Variants in FBXL17 observed in about 807,000 individuals in gnomAD.
FBXL17 encodes F-box/LRR-repeat protein 17.
In FBXL17, 22 loss-of-function variants were observed where a neutral mutation model predicts 66.2. The ratio of observed to expected loss-of-function variants is 0.33; its 90% CI spans 0.24 to 0.47. The LOEUF (loss-of-function observed/expected upper bound fraction) is 0.47, where lower values mean the gene tolerates loss of function less well. Ranked by LOEUF, FBXL17 falls within the 20% of genes least tolerant of loss-of-function variation. The pLI is 1.00. For missense variants in FBXL17, 878 were observed against 948.2 expected (o/e 0.93, Z 0.97); for synonymous variants, 474 against 400.5 (o/e 1.18, Z -2.19).
At chr5:108,343,126 C>T (rs1746996974) in intron 4 of FBXL17, among the ~76,000 whole-genome samples, 1 of 152,180 alleles carries the variant, frequency 6.6e-6, no homozygotes. Flanking sequence ...CTGCCAGTGC[C>T]TTAATCTTGG....
At chr5:108,161,165 C>CATAG (rs1752199332) in intron 6 of FBXL17, among the ~76,000 whole-genome samples, 1 of 47,962 alleles carries the variant, frequency 2.1e-5, no homozygotes. Context: ...CAAATAGATA[C>CATAG]ATACATACAT....
Position 108,104,330 on chromosome 5 carries a change from C to A in FBXL17, c.1745+81787G>T, listed in dbSNP as rs145369652. Among the ~76,000 whole-genome samples the A allele has an allele frequency of 1.4e-3, 218 of 152,302 alleles. 1 individual carries two copies. Among genetic ancestry groups the A allele is most frequent in the African/African-American group, 5.1e-3 (213 of 41,550 alleles). On this transcript the variant is annotated intron_variant, in intron 6 of 8. Transcript: ENST00000542267. ...GGGATTACAGGCATGAGCCACCGTG[C>A]CCAGCCCTGCAAACAAATATCAATT... is the stretch of plus-strand genomic sequence containing the variant.
chr5:107,944,091 C>G (rs980192354), intron 7 of FBXL17, among the ~76,000 whole-genome samples: 2 of 152,190 alleles, frequency 1.3e-5, no homozygotes, highest in African/African-American at 4.8e-5. Context: ...AGATTCAGTT[C>G]AAATGTCATC....
At chr5:107,922,054 C>T (rs1750341895) in intron 7 of FBXL17, among the ~76,000 whole-genome samples, 2 of 152,046 alleles carry the variant, frequency 1.3e-5, no homozygotes, top group African/African-American at 4.8e-5. Flanking sequence ...AGAGAGAGGC[C>T]AATAAGACCT....
intron 4 of FBXL17, 131 bp downstream of exon 4, chr5:108,348,268 G>T: frequency 1.4e-6 from 1 of 716,578 alleles, no homozygotes; most frequent in Non-Finnish European, 2.2e-6. Context: ...ACTTTAAAAG[G>T]ATTTTTGCTT....
Position 108,054,460 on chromosome 5 carries a change from C to T in FBXL17, c.1746-33459G>A, listed in dbSNP as rs1487230514. ...CTCCTCACAGAGTTTCCACTGACAG[C>T]TCTGCATGTGGGGTATGTATGGCAG... On this transcript the variant is annotated intron_variant, in intron 6 of 8. Coordinates refer to ENST00000542267, the MANE Select transcript of FBXL17 (RefSeq NM_001163315.3). 2.6e-5 allele frequency among the ~76,000 whole-genome samples: 4 copies of T among 151,966 alleles called. No individual in the cohort carries two copies. In the East Asian group the frequency reaches 7.8e-4, roughly 29 times the overall value.
At chr5:108,343,741 ACAACAG>A (rs1251413972) in intron 4 of FBXL17, among the ~76,000 whole-genome samples, 1 of 152,196 alleles carries the variant, frequency 6.6e-6, no homozygotes, top group African/African-American at 2.4e-5. Flanking sequence ...CCTAACTGCT[ACAACAG>A]CCTCAAATCA....
At position 107,881,573 on chromosome 5, in the gene FBXL17, G is replaced by A. The variant is rs148887985; in HGVS notation, c.1823-394C>T. On this transcript the variant is annotated intron_variant, in intron 7 of 8. Coordinates refer to ENST00000542267, the MANE Select transcript of FBXL17 (RefSeq NM_001163315.3). ...AATTTTTTTTTAAAGAAGAACCCAC[G>A]TAAACACCATTTTGAGGAGTGTTAT... Among the ~76,000 whole-genome samples, 660 of 152,038 alleles carry A rather than the reference G, an allele frequency of 4.3e-3. 10 individuals are homozygous for A. Among genetic ancestry groups the A allele is most frequent in the East Asian group, 9.3e-3 (48 of 5,174 alleles).
At chr5:107,978,560 A>T (rs564516395) in intron 7 of FBXL17, among the ~76,000 whole-genome samples, 1 of 152,216 alleles carries the variant, frequency 6.6e-6, no homozygotes, top group African/African-American at 2.4e-5. Context: ...AGACTTTTAC[A>T]TTTCTGGCCA....
intron 7 of FBXL17, among the ~76,000 whole-genome samples, chr5:107,975,424 T>C (rs1448472256): frequency 6.6e-6 from 1 of 152,228 alleles, no homozygotes. Context: ...AGAAATGTCA[T>C]AATATGTATT....
At chr5:108,176,400 T>C (rs62359505) in intron 6 of FBXL17, among the ~76,000 whole-genome samples, 2,268 of 152,300 alleles carry the variant, frequency 0.015, 26 homozygotes, top group South Asian at 0.038. Flanking sequence ...AATATGATTC[T>C]ATGGGAGCTC....
intron 7 of FBXL17, among the ~76,000 whole-genome samples, chr5:107,957,563 A>T (rs1751713398): frequency 6.6e-6 from 1 of 152,310 alleles, no homozygotes; most frequent in Middle Eastern, 3.4e-3. Context: ...CTCCATACAA[A>T]TTTTAACTCA....
chr5:108,304,863 T>C (rs2150185494), intron 4 of FBXL17, among the ~76,000 whole-genome samples: 1 of 152,174 alleles, frequency 6.6e-6, no homozygotes, highest in Non-Finnish European at 1.5e-5. Context: ...GACCTCTTCC[T>C]TGTCCTTCTC....
chr5:108,233,318 T>C (rs991694502), intron 4 of FBXL17, among the ~76,000 whole-genome samples: 1 of 152,226 alleles, frequency 6.6e-6, no homozygotes, highest in African/African-American at 2.4e-5. Flanking sequence ...TTTGCATATG[T>C]ATACCAATTT....
At chr5:108,202,432 T>C (rs934283725) in intron 5 of FBXL17, among the ~76,000 whole-genome samples, 3 of 152,152 alleles carry the variant, frequency 2.0e-5, no homozygotes, top group African/African-American at 7.2e-5. Flanking sequence ...TTCTATTGCT[T>C]ATGTAGATGT....
In FBXL17 at chr5:107,859,088, T is replaced by C. The variant is rs1364921852; in HGVS notation, c.*2632A>G. 6.6e-6 allele frequency: 1 copy of C among 152,198 alleles called. No individual in the cohort carries two copies. Among genetic ancestry groups the C allele is most frequent in the East Asian group, 1.9e-4 (1 of 5,204 alleles). The allele number at this position is 152,198 out of a possible 1,614,324, so 9.4% of individuals were successfully genotyped here. ...GCAAGGTCAAAGATTCACGGAAATA[T>C]AGAAACTACAAACCGGGTGAATTTT... On this transcript the variant is annotated 3_prime_UTR_variant, in exon 9 of 9. Transcript: ENST00000542267.
intron 7 of FBXL17, among the ~76,000 whole-genome samples, chr5:107,950,793 C>T (rs1028083554): frequency 1.3e-5 from 2 of 152,156 alleles, no homozygotes; most frequent in Non-Finnish European, 2.9e-5. Context: ...ATCCGTTTGT[C>T]ATAATAGAGC....
chr5:108,360,027 T>G (rs987746386), intron 3 of FBXL17, among the ~76,000 whole-genome samples: 1 of 152,130 alleles, frequency 6.6e-6, no homozygotes, highest in South Asian at 2.1e-4. Context: ...GATTAATATT[T>G]TATATTTATC....
chr5:107,930,047 C>T (rs1477126011), intron 7 of FBXL17, among the ~76,000 whole-genome samples: 1 of 152,086 alleles, frequency 6.6e-6, no homozygotes, highest in African/African-American at 2.4e-5. Context: ...AGCAACAGTC[C>T]CCTACCTGGT....
Sources: gnomAD v4.1 joint callset for allele counts (sites outside exome capture counted in the v4.1 genomes callset) on GRCh38, gnomAD v4.1.1 for gene constraint, MANE v1.5 for transcripts, NCBI Gene and HGNC (gene_info 2026-07-23, HGNC 2026-07-21) for gene names.